Variants in STAU1 observed in about 807,000 individuals in gnomAD.
STAU1 encodes double-stranded RNA-binding protein Staufen homolog 1.
STAU1 carries 13 observed loss-of-function variants against 62.9 expected under a neutral mutation model. The ratio of observed to expected loss-of-function variants is 0.21; its 90% CI spans 0.13 to 0.33. STAU1 has a LOEUF of 0.33. Among genes scored for constraint, STAU1 ranks in the 10% least tolerant of loss-of-function variants. The pLI, the probability that STAU1 is intolerant of heterozygous loss-of-function variation, is 1.00. For missense variants in STAU1, 571 were observed against 712.1 expected, an observed-to-expected ratio of 0.80 and a Z score of 2.25; for synonymous variants, 269 against 265.1, an observed-to-expected ratio of 1.01 and a Z score of -0.14.
intron 5 of STAU1, 43 bp downstream of exon 5, chr20:49,151,539 C>A: frequency 6.5e-7 from 1 of 1,538,356 alleles, no homozygotes; most frequent in Non-Finnish European, 8.7e-7. Flanking sequence ...CACTACCCTC[C>A]TACCCTGTCG....
At chr20:49,161,684 AG>A (rs2093450566) in intron 3 of STAU1, among the ~76,000 whole-genome samples, 3 of 152,226 alleles carry the variant, frequency 2.0e-5, no homozygotes. Context: ...CCACATGAGA[AG>A]GAAGTGAAAA....
intron 6 of STAU1, among the ~76,000 whole-genome samples, chr20:49,129,250 G>C (rs348297): frequency 0.12 from 17,635 of 146,328 alleles, 1,662 homozygotes; most frequent in African/African-American, 0.27. Context: ...AGATACTACT[G>C]ACTACCTGCT....
intron 2 of STAU1, among the ~76,000 whole-genome samples, chr20:49,166,620 G>C (rs1041283300): frequency 1.3e-5 from 2 of 152,128 alleles, no homozygotes; most frequent in Non-Finnish European, 2.9e-5. Flanking sequence ...TGAAAGTATG[G>C]AGAGGTTTCC....
upstream of STAU1, among the ~76,000 whole-genome samples, chr20:49,191,775 G>A (rs2093831587): frequency 6.6e-6 from 1 of 152,154 alleles, no homozygotes; most frequent in African/African-American, 2.4e-5. Context: ...ATGGGGCCGG[G>A]CGCAGTGGCT....
At chr20:49,155,920 C>T (rs1435810663) in intron 3 of STAU1, among the ~76,000 whole-genome samples, 1 of 152,138 alleles carries the variant, frequency 6.6e-6, no homozygotes, top group Non-Finnish European at 1.5e-5. Flanking sequence ...CCTGGGATGA[C>T]TTCATGCATG....
rs184111917 is a variant in STAU1, at chr20:49,146,627, A to T, written c.510+4955T>A. ...TGAGATGGGAGGATCACCTAAGCCC[A>T]GGGAGGTCAAGGCTGCAGTGAGCCT... On this transcript the variant is annotated intron_variant, in intron 5 of 13. Coordinates refer to ENST00000371856, the MANE Select transcript of STAU1 (RefSeq NM_017453.4). 2.6e-5 allele frequency among the ~76,000 whole-genome samples: 4 copies of T among 151,792 alleles called. No individual in the cohort carries two copies. The East Asian group carries it at 7.8e-4, about 30-fold the overall frequency.
upstream of STAU1, among the ~76,000 whole-genome samples, chr20:49,191,565 C>T (rs1249701850): frequency 1.3e-5 from 2 of 152,100 alleles, no homozygotes; most frequent in Admixed American, 6.6e-5. Context: ...TATCTCTGCG[C>T]AAGTCCCTAA....
At chr20:49,119,740 C>T (rs573492048) in intron 9 of STAU1, among the ~76,000 whole-genome samples, 9 of 152,270 alleles carry the variant, frequency 5.9e-5, no homozygotes, top group South Asian at 4.1e-4. Flanking sequence ...CTCCACAAAG[C>T]GTCCCCAGAC....
At chr20:49,189,619 CAAAAAAAA>C (rs71186430), upstream of STAU1, among the ~76,000 whole-genome samples, 2 of 55,348 alleles carry the variant, frequency 3.6e-5, no homozygotes, top group African/African-American at 7.2e-5. Context: ...GACTCTGTCT[CAAAAAAAA>C]AAAAAAAAAA....
intron 6 of STAU1, among the ~76,000 whole-genome samples, chr20:49,133,750 T>C (rs2092806093): frequency 6.6e-6 from 1 of 151,986 alleles, no homozygotes; most frequent in Admixed American, 6.6e-5. Flanking sequence ...CCACTGAGGG[T>C]GGAGGGGCAG....
the STAU1 span, among the ~76,000 whole-genome samples, chr20:49,201,472 T>C: frequency 6.6e-6 from 1 of 152,280 alleles, no homozygotes; most frequent in East Asian, 1.9e-4. Context: ...CTGGGCATGG[T>C]GACTAACGCT....
the STAU1 span, among the ~76,000 whole-genome samples, chr20:49,218,073 C>T: frequency 6.7e-6 from 1 of 150,334 alleles, no homozygotes; most frequent in Non-Finnish European, 1.5e-5. Flanking sequence ...CGGAGTTTCA[C>T]CATGTTGGTC....
chr20:49,133,325 G>C (rs2092793407), intron 6 of STAU1, among the ~76,000 whole-genome samples: 1 of 152,152 alleles, frequency 6.6e-6, no homozygotes, highest in African/African-American at 2.4e-5. Flanking sequence ...GGAATCCAAG[G>C]CTCTGGCCCA....
chr20:49,191,045 T>G (rs547595085), upstream of STAU1, among the ~76,000 whole-genome samples: 1 of 149,696 alleles, frequency 6.7e-6, no homozygotes, highest in African/African-American at 2.5e-5. Context: ...TTTTTTTTTT[T>G]GAGACAGAGT....
chr20:49,116,852 G>A (rs1284791827), intron 12 of STAU1, among the ~76,000 whole-genome samples: 1 of 152,184 alleles, frequency 6.6e-6, no homozygotes, highest in Admixed American at 6.5e-5. Context: ...GTCTCTGGGT[G>A]AGCTGCAGGA....
At chr20:49,161,946 A>G (rs1327547934) in intron 3 of STAU1, among the ~76,000 whole-genome samples, 1 of 152,188 alleles carries the variant, frequency 6.6e-6, no homozygotes, top group Non-Finnish European at 1.5e-5. Flanking sequence ...AACCCATGGC[A>G]GGCAAGCAAG....
At chr20:49,122,804 C>A (rs2092494985) in intron 8 of STAU1, among the ~76,000 whole-genome samples, 1 of 152,152 alleles carries the variant, frequency 6.6e-6, no homozygotes, top group South Asian at 2.1e-4. Flanking sequence ...GTAATCCCAG[C>A]TACTCGGGAG....
chr20:49,195,937 A>AG, the STAU1 span, among the ~76,000 whole-genome samples: 1 of 145,778 alleles, frequency 6.9e-6, no homozygotes, highest in South Asian at 2.2e-4. Flanking sequence ...AAAAAAAAAA[A>AG]CAAAGAAACA....
rs545097750 is a variant in STAU1, at chr20:49,117,486, A to C, written c.1510-238T>G. Among the ~76,000 whole-genome samples, 474 of 152,342 alleles carry C rather than the reference A, an allele frequency of 3.1e-3. 4 individuals carry two copies. Among genetic ancestry groups the C allele is most frequent in the Middle Eastern group, 3.4e-3 (1 of 294 alleles). ...TTCCTACCAGACAGAAAGTGTCAGCACGATGAGTCTGTTCTTTGAAATCCA... is the reference window on the plus strand; with the variant it reads ...TTCCTACCAGACAGAAAGTGTCAGCCCGATGAGTCTGTTCTTTGAAATCCA... On this transcript the variant is annotated intron_variant, in intron 11 of 13. Coordinates refer to ENST00000371856, the MANE Select transcript of STAU1 (RefSeq NM_017453.4). This position sits in a 1 kb window ranked among gnomAD's most constrained non-coding sequence, Gnocchi z 4.6.
Sources: gnomAD v4.1 joint callset for allele counts (sites outside exome capture counted in the v4.1 genomes callset) on GRCh38, gnomAD v4.1.1 for gene constraint, Gnocchi (gnomAD v3.1) non-coding constraint, MANE v1.5 for transcripts, NCBI Gene and HGNC (gene_info 2026-07-23, HGNC 2026-07-21) for gene names.